Variants in RTN4 observed in about 807,000 individuals in gnomAD.
RTN4 encodes reticulon 4, also known as reticulon-4.
In RTN4, 32 loss-of-function variants were observed where a neutral mutation model predicts 90.4. That is an observed-to-expected ratio of 0.35 (90% CI 0.27 to 0.48). RTN4 has a LOEUF of 0.48. Among genes scored for constraint, RTN4 ranks in the 20% least tolerant of loss-of-function variants. The pLI is 0.99. For synonymous variants in RTN4, 629 were observed against 552.5 expected (o/e 1.14, Z -1.94); for missense variants, 1,706 against 1,430.2 (o/e 1.19, Z -3.11).
chr2:55,036,266 T>C (rs889605842), intron 1 of RTN4, among the ~76,000 whole-genome samples: 1 of 152,010 alleles, frequency 6.6e-6, no homozygotes, highest in Non-Finnish European at 1.5e-5. Context: ...CATCACCAAA[T>C]GGGGTTTAAT....
At chr2:55,091,982 A>G (rs1668946627) in intron 1 of RTN4, among the ~76,000 whole-genome samples, 1 of 152,032 alleles carries the variant, frequency 6.6e-6, no homozygotes, top group South Asian at 2.1e-4. Context: ...CTCCCACAAC[A>G]TGTGGGAATT....
intron 1 of RTN4, among the ~76,000 whole-genome samples, chr2:55,108,277 T>C (rs936488669): frequency 5.3e-5 from 8 of 152,230 alleles, no homozygotes; most frequent in Non-Finnish European, 1.2e-4. Context: ...TATATAGATA[T>C]ATGGACAGCT....
At chr2:55,128,614 A>G in the RTN4 span, among the ~76,000 whole-genome samples, 16 of 152,214 alleles carry the variant, frequency 1.1e-4, no homozygotes, top group Non-Finnish European at 1.9e-4. Flanking sequence ...GAAAGGCACA[A>G]AAACAAGCCA....
Position 54,972,215 on chromosome 2 carries a change from C to CTT in RTN4, c.*939_*940dup, listed in dbSNP as rs1272853028. On this transcript the variant is annotated 3_prime_UTR_variant, in exon 9 of 9. Coordinates refer to ENST00000337526, the MANE Select transcript of RTN4 (RefSeq NM_020532.5). ...TTTAAGTCTATAAGCTTTATTGATA[C>CTT]TTTGCTTTTACAGTTCACAATGCAT... The CTT allele has an allele frequency of 1.3e-5, 2 of 152,610 alleles. No homozygotes were observed. Among genetic ancestry groups the CTT allele is most frequent in the African/African-American group, 4.8e-5 (2 of 41,450 alleles). 9.5% of individuals were successfully genotyped at this position (152,610 alleles called of 1,614,324 possible).
chr2:55,078,078 T>C (rs2105025891), intron 2 of RTN4, among the ~76,000 whole-genome samples: 1 of 152,006 alleles, frequency 6.6e-6, no homozygotes, highest in Non-Finnish European at 1.5e-5. Flanking sequence ...GAGTACAGTG[T>C]ATAGTGCTCA....
Position 55,026,125 on chromosome 2 carries a change from T to C in RTN4, c.1974A>G (p.Pro658=), listed in dbSNP as rs1165832315. The C allele has an allele frequency of 2.5e-6, 4 of 1,613,506 alleles. No individual in the cohort carries two copies. Among genetic ancestry groups the C allele is most frequent in the South Asian group, 2.2e-5 (2 of 91,070 alleles). The change falls in exon 3 of 9, where the codon CCA becomes CCG. Residue 658 remains proline (P), a synonymous_variant. Coordinates refer to ENST00000337526, the MANE Select transcript of RTN4 (RefSeq NM_020532.5). ...SIKHEPENPP[P]YEEAMSVSLK... ...GTGATACACTCATGGCCTCTTCATA[T>C]GGTGGGGGGTTTTCAGGCTCATGTT... is the stretch of plus-strand genomic sequence containing the variant.
chr2:55,066,273 A>G (rs1429237987), intron 2 of RTN4, among the ~76,000 whole-genome samples: 2 of 151,836 alleles, frequency 1.3e-5, no homozygotes, highest in Non-Finnish European at 2.9e-5. Context: ...AGTTCCTGGA[A>G]GGACACACAG....
chr2:55,133,038 C>T, the RTN4 span, among the ~76,000 whole-genome samples: 486 of 146,582 alleles, frequency 3.3e-3, 2 homozygotes, highest in African/African-American at 0.011. Context: ...ATGATGAAAC[C>T]GTGTCTCTAC....
At chr2:55,081,073 C>T (rs532405174) in intron 1 of RTN4, among the ~76,000 whole-genome samples, 2 of 151,564 alleles carry the variant, frequency 1.3e-5, no homozygotes, top group Non-Finnish European at 2.9e-5. Flanking sequence ...TTCTTTCATT[C>T]TTACATTCTT....
At chr2:55,051,762 C>A (rs1393035720), upstream of RTN4, among the ~76,000 whole-genome samples, 1 of 152,226 alleles carries the variant, frequency 6.6e-6, no homozygotes, top group Non-Finnish European at 1.5e-5. Context: ...AGAATTAGTA[C>A]CTCCGAAATG....
At chr2:55,048,880 T>A (rs1667929331) in intron 1 of RTN4, among the ~76,000 whole-genome samples, 1 of 152,186 alleles carries the variant, frequency 6.6e-6, no homozygotes, top group Admixed American at 6.5e-5. Flanking sequence ...TATTTTTTTC[T>A]GTAAGATTCA....
upstream of RTN4, among the ~76,000 whole-genome samples, chr2:55,116,519 T>G (rs1380618868): frequency 1.3e-5 from 2 of 152,206 alleles, no homozygotes. Flanking sequence ...TTATATAGGA[T>G]TCCAGTAGCT....
intron 3 of RTN4, among the ~76,000 whole-genome samples, chr2:54,998,152 G>T (rs1187013449): frequency 6.6e-6 from 1 of 151,260 alleles, no homozygotes; most frequent in Non-Finnish European, 1.5e-5. Context: ...GAATTCTGTA[G>T]AGACAGAAAG....
intron 3 of RTN4, among the ~76,000 whole-genome samples, chr2:54,988,435 T>C (rs1026279270): frequency 7.9e-5 from 12 of 152,198 alleles, no homozygotes; most frequent in Admixed American, 2.6e-4. Context: ...GATACTTCAG[T>C]GATACCAAAA....
At chr2:55,100,423 C>G (rs1265103777) in intron 1 of RTN4, among the ~76,000 whole-genome samples, 2 of 152,106 alleles carry the variant, frequency 1.3e-5, no homozygotes, top group African/African-American at 2.4e-5. Context: ...TGTCTGGAAG[C>G]CCATTCATAT....
At chr2:55,020,571 GA>G (rs1681354872) in intron 3 of RTN4, among the ~76,000 whole-genome samples, 1 of 152,160 alleles carries the variant, frequency 6.6e-6, no homozygotes, top group Non-Finnish European at 1.5e-5. Flanking sequence ...AGGAAGACCA[GA>G]ATTCATTAGT....
intron 2 of RTN4, among the ~76,000 whole-genome samples, chr2:55,072,508 C>T (rs1203214500): frequency 2.6e-5 from 4 of 152,156 alleles, no homozygotes; most frequent in East Asian, 1.9e-4. Flanking sequence ...GGATTACAGG[C>T]GTGAGCCACC....
At chr2:55,062,192 T>G (rs1668308558) in intron 2 of RTN4, among the ~76,000 whole-genome samples, 1 of 151,960 alleles carries the variant, frequency 6.6e-6, no homozygotes, top group Non-Finnish European at 1.5e-5. Flanking sequence ...GAGAGCTACT[T>G]CCACTCAATA....
chr2:55,050,483 T>G, upstream of RTN4: 1 of 411,372 alleles, frequency 2.4e-6, no homozygotes, highest in Non-Finnish European at 4.3e-6. The surrounding 1 kb of genome is among the most constrained non-coding windows in gnomAD (Gnocchi z 4.6). Context: ...GCGCCGGTGA[T>G]GCGCCACCCG....
Sources: gnomAD v4.1 joint callset for allele counts (sites outside exome capture counted in the v4.1 genomes callset) on GRCh38, gnomAD v4.1.1 for gene constraint, Gnocchi (gnomAD v3.1) non-coding constraint, MANE v1.5 for transcripts, NCBI Gene and HGNC (gene_info 2026-07-23, HGNC 2026-07-21) for gene names.